Variants in XPO6 observed in about 807,000 individuals in gnomAD.
The protein encoded by XPO6 is exportin 6.
Under a neutral mutation model 130.0 loss-of-function variants are expected in XPO6, and 3 were observed. That is an observed-to-expected ratio of 0.02 (90% CI 0.01 to 0.06). The LOEUF (loss-of-function observed/expected upper bound fraction) is 0.06. XPO6 is among the 10% of genes least tolerant of loss of function. The pLI is 1.00. For missense variants in XPO6, 970 were observed against 1,393.0 expected (o/e 0.70, Z 4.83); for synonymous variants, 524 against 548.9 (o/e 0.95, Z 0.63).
chr16:28,114,396 C>T (rs1275689439), intron 15 of XPO6, among the ~76,000 whole-genome samples: 6 of 152,168 alleles, frequency 3.9e-5, no homozygotes, highest in Non-Finnish European at 8.8e-5. Flanking sequence ...ACTGCAGGTT[C>T]AGCTCCAGAC....
chr16:28,172,399 C>A (rs1057338147), intron 4 of XPO6, among the ~76,000 whole-genome samples: 1 of 152,130 alleles, frequency 6.6e-6, no homozygotes, highest in Non-Finnish European at 1.5e-5. Flanking sequence ...ATTACACGAC[C>A]CAACAGAAGA....
chr16:28,193,446 C>T (rs1038590322), intron 1 of XPO6, among the ~76,000 whole-genome samples: 1 of 152,176 alleles, frequency 6.6e-6, no homozygotes, highest in Non-Finnish European at 1.5e-5. Context: ...AAGCAACTCT[C>T]TAACCAGGGA....
At chr16:28,114,765 T>C (rs993651677) in intron 15 of XPO6, among the ~76,000 whole-genome samples, 11 of 152,218 alleles carry the variant, frequency 7.2e-5, no homozygotes, top group African/African-American at 2.7e-4. Flanking sequence ...CTCTGGAGCA[T>C]GCGGTGCCGT....
At chr16:28,208,451 C>A (rs2044069285) in intron 1 of XPO6, among the ~76,000 whole-genome samples, 2 of 152,292 alleles carry the variant, frequency 1.3e-5, no homozygotes, top group South Asian at 4.1e-4. Context: ...GGGGACAGGG[C>A]CTACCCTACC....
At chr16:28,190,622 A>G (rs889461123) in intron 1 of XPO6, among the ~76,000 whole-genome samples, 1 of 152,216 alleles carries the variant, frequency 6.6e-6, no homozygotes, top group Non-Finnish European at 1.5e-5. Flanking sequence ...GAGGGAAAAA[A>G]TGCTATGAAA....
chr16:28,106,852 T>G lies in XPO6; in HGVS notation c.2498-355A>C, dbSNP rs1260672704. ...CCAACTGGGTCAACACCTGAGTGCT[T>G]AAGCCATTTCCCCCTATGACTAATA... On this transcript the variant is annotated intron_variant, in intron 18 of 23. Transcript: ENST00000304658. The surrounding 1 kb of genome is among the most constrained non-coding windows in gnomAD (Gnocchi z 4.2). 6.6e-6 allele frequency among the ~76,000 whole-genome samples: 1 copy of G among 152,192 alleles called. No individual in the cohort carries two copies. The highest frequency in any genetic ancestry group is 1.5e-5 in the Non-Finnish European group (1 of 68,028).
At chr16:28,110,028 C>T (rs758503583) in intron 17 of XPO6, among the ~76,000 whole-genome samples, 1 of 151,532 alleles carries the variant, frequency 6.6e-6, no homozygotes, top group Non-Finnish European at 1.5e-5. Context: ...ATTCCTTTGG[C>T]TAGTCTGTAG....
chr16:28,139,802 A>C (rs58782190), intron 9 of XPO6, among the ~76,000 whole-genome samples: 2,521 of 152,346 alleles, frequency 0.017, 67 homozygotes, highest in African/African-American at 0.058. Context: ...AAGAAAACTA[A>C]ATGTGTATGC....
chr16:28,108,228 ATTAGCCCCG>A (rs2086829279), intron 17 of XPO6, among the ~76,000 whole-genome samples: 1 of 152,220 alleles, frequency 6.6e-6, no homozygotes, highest in African/African-American at 2.4e-5. Flanking sequence ...TCTTTGGCCT[ATTAGCCCCG>A]TAGCTTGATA....
At chr16:28,120,133 T>C (rs1167646561) in intron 14 of XPO6, among the ~76,000 whole-genome samples, 2 of 152,142 alleles carry the variant, frequency 1.3e-5, no homozygotes, top group East Asian at 3.8e-4. Context: ...GTATGAATCA[T>C]CACGTTCAGC....
At chr16:28,145,065 T>G (rs771260469) in intron 9 of XPO6, among the ~76,000 whole-genome samples, 16 of 152,238 alleles carry the variant, frequency 1.1e-4, no homozygotes, top group Non-Finnish European at 2.4e-4. Context: ...GGCACTCTGT[T>G]AAGTATGATA....
intron 18 of XPO6, 57 bp downstream of exon 18, chr16:28,107,465 G>T: frequency 6.3e-7 from 1 of 1,594,392 alleles, no homozygotes; most frequent in South Asian, 1.1e-5. Flanking sequence ...GATCTAAGTG[G>T]GTATTCTGGC....
At chr16:28,112,082 A>G in intron 16 of XPO6, 76 bp from the exon 17 acceptor site, 4 of 1,487,762 alleles carry the variant, frequency 2.7e-6, no homozygotes, top group Non-Finnish European at 3.6e-6. Flanking sequence ...CACAGCCTTC[A>G]GCACCCGCTG....
chr16:28,208,578 G>A (rs184196728), intron 1 of XPO6, among the ~76,000 whole-genome samples: 10 of 152,300 alleles, frequency 6.6e-5, no homozygotes, highest in Non-Finnish European at 2.9e-5. Context: ...CTGAGGTCTA[G>A]GTGACAAAAA....
intron 11 of XPO6, among the ~76,000 whole-genome samples, chr16:28,133,637 A>T (rs1221963489): frequency 6.6e-6 from 1 of 152,172 alleles, no homozygotes; most frequent in Non-Finnish European, 1.5e-5. Flanking sequence ...CCAAGACTAA[A>T]CAAGGTTCCA....
intron 12 of XPO6, among the ~76,000 whole-genome samples, chr16:28,131,308 G>C (rs2042664204): frequency 6.6e-6 from 1 of 152,172 alleles, no homozygotes; most frequent in Admixed American, 6.5e-5. Flanking sequence ...TCGGAAAAAG[G>C]CTCCTGTGGA....
At chr16:28,113,711 C>A (rs1401300912) in intron 15 of XPO6, among the ~76,000 whole-genome samples, 6 of 152,104 alleles carry the variant, frequency 3.9e-5, no homozygotes, top group African/African-American at 1.4e-4. Context: ...TTACCTATAA[C>A]CTATAATACT....
chr16:28,200,966 T>C (rs1317523560), intron 1 of XPO6, among the ~76,000 whole-genome samples: 1 of 152,082 alleles, frequency 6.6e-6, no homozygotes, highest in East Asian at 1.9e-4. Flanking sequence ...TTTCCTTCCC[T>C]TCCCATTAGC....
chr16:28,156,582 T>A, intron 6 of XPO6, 55 bp from the exon 7 acceptor site: 1 of 1,335,718 alleles, frequency 7.5e-7, no homozygotes, highest in Non-Finnish European at 1.0e-6. Context: ...TACAAATGAC[T>A]TTAAGTAATT....
Sources: gnomAD v4.1 joint callset for allele counts (sites outside exome capture counted in the v4.1 genomes callset) on GRCh38, gnomAD v4.1.1 for gene constraint, Gnocchi (gnomAD v3.1) non-coding constraint, MANE v1.5 for transcripts, NCBI Gene and HGNC (gene_info 2026-07-23, HGNC 2026-07-21) for gene names.